The following FGF14 variants were observed in gnomAD, a reference collection of about 807,000 sequenced individuals.
The protein encoded by FGF14 is fibroblast growth factor homologous factor 4.
FGF14 carries 5 observed loss-of-function variants against 25.5 expected under a neutral mutation model. That is an observed-to-expected ratio of 0.20 (90% CI 0.10 to 0.41). The LOEUF is 0.41. Among genes scored for constraint, FGF14 ranks in the 10% least tolerant of loss-of-function variants. The pLI is 1.00. For synonymous variants in FGF14, 138 were observed against 118.3 expected (o/e 1.17, Z -1.08); for missense variants, 222 against 320.1 (o/e 0.69, Z 2.34).
intron 1 of FGF14, among the ~76,000 whole-genome samples, chr13:102,201,095 C>T (rs1409199880): frequency 2.2e-5 from 2 of 90,698 alleles, no homozygotes; most frequent in Admixed American, 3.6e-4. Flanking sequence ...AGCGAGACTC[C>T]GTCTCTCAAA....
chr13:101,888,313 T>G (rs1174810602), intron 1 of FGF14, among the ~76,000 whole-genome samples: 7 of 147,146 alleles, frequency 4.8e-5, no homozygotes, highest in Admixed American at 2.0e-4. Flanking sequence ...ATTGGTAAAA[T>G]AAATGTTAAA....
chr13:102,048,672 G>A (rs1430827280), intron 1 of FGF14, among the ~76,000 whole-genome samples: 2 of 152,190 alleles, frequency 1.3e-5, no homozygotes, highest in African/African-American at 4.8e-5. Flanking sequence ...GTGTGAGAAG[G>A]AGCAGGCCCA....
chr13:101,986,220 A>G (rs2038570039), intron 1 of FGF14, among the ~76,000 whole-genome samples: 1 of 152,128 alleles, frequency 6.6e-6, no homozygotes, highest in South Asian at 2.1e-4. Context: ...GCTTTTCATA[A>G]GGATTTTCCA....
chr13:101,762,841 C>T (rs967488715), intron 3 of FGF14, among the ~76,000 whole-genome samples: 2 of 152,146 alleles, frequency 1.3e-5, no homozygotes. Flanking sequence ...CAAATCCTAC[C>T]TCCCATGGTG....
chr13:102,136,677 A>C (rs1047436442), intron 1 of FGF14, among the ~76,000 whole-genome samples: 3 of 152,012 alleles, frequency 2.0e-5, no homozygotes, highest in South Asian at 2.1e-4. Flanking sequence ...AAAAAAAAAA[A>C]CCTGAGACTG....
At chr13:101,784,866 G>A (rs1246618957) in intron 3 of FGF14, among the ~76,000 whole-genome samples, 1 of 152,142 alleles carries the variant, frequency 6.6e-6, no homozygotes, top group Admixed American at 6.5e-5. Context: ...CGCAATCTAT[G>A]GGATCAAGTG....
chr13:102,058,425 T>C (rs1242493218), intron 1 of FGF14, among the ~76,000 whole-genome samples: 2 of 152,162 alleles, frequency 1.3e-5, no homozygotes, highest in Admixed American at 6.5e-5. Flanking sequence ...TTCTTCCCTC[T>C]TGAGGAAAAG....
chr13:101,875,206 T>C lies in FGF14; in HGVS notation c.284A>G (p.Lys95Arg). The change falls in exon 2 of 5, where the codon AAG becomes AGG. Residue 95 changes from lysine to arginine, a missense_variant. Coordinates refer to ENST00000376143, the MANE Select transcript of FGF14 (RefSeq NM_004115.4). ...MHPDGALDGT[K>R]DDSTNSTLFN... ...CTTACTAGAATTAGTGCTGTCATCC[T>C]TGGTTCCATCGAGAGCTCCATCGGG... 6.2e-7 allele frequency: 1 copy of C among 1,613,260 alleles called. No individual in the cohort carries two copies. Among genetic ancestry groups the C allele is most frequent in the Non-Finnish European group, 8.5e-7 (1 of 1,179,296 alleles).
chr13:102,166,926 T>C (rs2048037357), intron 1 of FGF14, among the ~76,000 whole-genome samples: 1 of 152,050 alleles, frequency 6.6e-6, no homozygotes, highest in African/African-American at 2.4e-5. Context: ...ATAACTACCA[T>C]GAATATCAAG....
chr13:102,401,449 A>T (rs1362389752), intron 1 of FGF14: 90 of 1,609,940 alleles, frequency 5.6e-5, no homozygotes, highest in Non-Finnish European at 7.6e-5. Flanking sequence ...GAAAAACATA[A>T]CATGATGCAT....
intron 1 of FGF14, among the ~76,000 whole-genome samples, chr13:102,340,365 T>C (rs1348725636): frequency 6.6e-6 from 1 of 152,072 alleles, no homozygotes; most frequent in South Asian, 2.1e-4. Context: ...CATAATAATC[T>C]TGCTTCTCTT....
intron 1 of FGF14, among the ~76,000 whole-genome samples, chr13:102,071,931 T>C (rs2043170889): frequency 6.6e-6 from 1 of 152,148 alleles, no homozygotes; most frequent in Non-Finnish European, 1.5e-5. Context: ...TTGGCAAAAC[T>C]ATCAGGGCTA....
chr13:102,361,658 T>C (rs1594947741), intron 1 of FGF14, among the ~76,000 whole-genome samples: 1 of 152,166 alleles, frequency 6.6e-6, no homozygotes, highest in East Asian at 1.9e-4. Flanking sequence ...GTTCCATGGT[T>C]TCAGCTATGA....
At chr13:101,967,766 T>C (rs2037308975) in intron 1 of FGF14, 1 of 154,330 alleles carries the variant, frequency 6.5e-6, no homozygotes, top group Non-Finnish European at 1.5e-5. Flanking sequence ...ATCTTTGCTC[T>C]TGATGTCTTT....
chr13:102,034,138 G>C (rs1311813213), intron 1 of FGF14, among the ~76,000 whole-genome samples: 1 of 152,060 alleles, frequency 6.6e-6, no homozygotes, highest in African/African-American at 2.4e-5. Context: ...CAAAAGGAGA[G>C]AATGTTAATA....
At chr13:102,262,633 G>A (rs1273664207) in intron 1 of FGF14, among the ~76,000 whole-genome samples, 1 of 152,092 alleles carries the variant, frequency 6.6e-6, no homozygotes, top group Non-Finnish European at 1.5e-5. Context: ...ATCCAATATA[G>A]CCAAGTAAAG....
intron 1 of FGF14, among the ~76,000 whole-genome samples, chr13:102,027,584 T>A (rs1308914323): frequency 6.6e-6 from 1 of 152,130 alleles, no homozygotes; most frequent in East Asian, 1.9e-4. Context: ...AAATGGCTAG[T>A]AAGTTTTCTC....
At chr13:102,158,690 C>G (rs928686728) in intron 1 of FGF14, among the ~76,000 whole-genome samples, 1 of 151,870 alleles carries the variant, frequency 6.6e-6, no homozygotes, top group South Asian at 2.1e-4. Flanking sequence ...AATCTTTGAA[C>G]TGATCCAATG....
Position 102,400,777 on chromosome 13 carries a change from G to A in FGF14, c.208+694C>T, listed in dbSNP as rs538329945. ...CAGGGCTTTGACACCGCTTTCTAAA[G>A]GGGGGGACTTCAATTACAAATATTA... On this transcript the variant is annotated intron_variant, in intron 1 of 4. Transcript: ENST00000376131. This position sits in a 1 kb window ranked among gnomAD's most constrained non-coding sequence, Gnocchi z 4.3. Among the ~76,000 whole-genome samples the A allele has an allele frequency of 6.6e-6, 1 of 152,248 alleles. No individual in the cohort carries two copies. The highest frequency in any genetic ancestry group is 1.5e-5 in the Non-Finnish European group (1 of 68,024).
Sources: gnomAD v4.1 joint callset for allele counts (sites outside exome capture counted in the v4.1 genomes callset) on GRCh38, gnomAD v4.1.1 for gene constraint, Gnocchi (gnomAD v3.1) non-coding constraint, MANE v1.5 for transcripts, NCBI Gene and HGNC (gene_info 2026-07-23, HGNC 2026-07-21) for gene names.